The following STXBP6 variants were observed in gnomAD, a reference collection of about 807,000 sequenced individuals.
STXBP6 encodes the protein syntaxin binding protein 6.
In STXBP6, 21 loss-of-function variants were observed where a neutral mutation model predicts 26.9. The observed-to-expected ratio is 0.78, with a 90% CI of 0.55 to 1.12. STXBP6 has a LOEUF of 1.12. Among genes scored for constraint, STXBP6 ranks in the 50% most tolerant of loss-of-function variants. The pLI, the probability that STXBP6 is intolerant of heterozygous loss-of-function variation, is 0.00. For synonymous variants in STXBP6, 97 were observed against 92.6 expected (o/e 1.05, Z -0.27); for missense variants, 232 against 257.9 (o/e 0.90, Z 0.69).
At chr14:24,974,584 T>C (rs2073992806) in intron 2 of STXBP6, 81 bp downstream of exon 2, 1 of 1,311,438 alleles carries the variant, frequency 7.6e-7, no homozygotes, top group Admixed American at 2.5e-5. Flanking sequence ...AACCTGTGAA[T>C]GTAAACCTCC....
At chr14:24,868,590 G>A (rs2139308310) in intron 2 of STXBP6, among the ~76,000 whole-genome samples, 1 of 152,232 alleles carries the variant, frequency 6.6e-6, no homozygotes, top group South Asian at 2.1e-4. Context: ...TGCAGATTAT[G>A]GAGACCCTGG....
chr14:24,840,846 T>A (rs1212465224), intron 4 of STXBP6, among the ~76,000 whole-genome samples: 1 of 152,212 alleles, frequency 6.6e-6, no homozygotes, highest in East Asian at 1.9e-4. Context: ...ACTGCTTTTT[T>A]TTTTTTCCTG....
At chr14:24,896,598 A>C (rs1324840992) in intron 2 of STXBP6, among the ~76,000 whole-genome samples, 1 of 152,218 alleles carries the variant, frequency 6.6e-6, no homozygotes, top group East Asian at 1.9e-4. Context: ...TAGAGGATAC[A>C]CACATACAAG....
intron 2 of STXBP6, among the ~76,000 whole-genome samples, chr14:24,874,262 G>C (rs1009333965): frequency 6.6e-6 from 1 of 152,094 alleles, no homozygotes; most frequent in African/African-American, 2.4e-5. Context: ...TAAAGCTAGG[G>C]ACAAGGGAGA....
At chr14:24,868,284 A>T (rs1346776731) in intron 2 of STXBP6, among the ~76,000 whole-genome samples, 1 of 152,188 alleles carries the variant, frequency 6.6e-6, no homozygotes. Context: ...TAAATTAATA[A>T]GCAAAAGATT....
intron 2 of STXBP6, among the ~76,000 whole-genome samples, chr14:24,930,530 G>A (rs562076954): frequency 4.6e-5 from 7 of 152,122 alleles, no homozygotes; most frequent in East Asian, 1.9e-4. Flanking sequence ...TTATTATTCC[G>A]GTGATGACAC....
At chr14:24,882,126 T>A (rs1355309792) in intron 2 of STXBP6, among the ~76,000 whole-genome samples, 2 of 151,642 alleles carry the variant, frequency 1.3e-5, no homozygotes, top group African/African-American at 4.8e-5. Context: ...ACGCCTGTAA[T>A]CCCAGCACTT....
chr14:25,026,571 G>A (rs920956205), intron 1 of STXBP6, among the ~76,000 whole-genome samples: 5 of 152,162 alleles, frequency 3.3e-5, no homozygotes, highest in African/African-American at 9.7e-5. Flanking sequence ...GTTCAAGTCC[G>A]ATCTTACCAC....
chr14:24,951,748 C>A lies in STXBP6; in HGVS notation c.154+22917G>T, dbSNP rs1320773964. Among the ~76,000 whole-genome samples the A allele has an allele frequency of 2.6e-5, 4 of 152,064 alleles. No individual in the cohort carries two copies. The East Asian group carries it at 5.8e-4, about 22-fold the overall frequency. ...GTTACATAATTATATATTTATATTT[C>A]TTTTTGTACAATAGCCAAACTGTTC... On this transcript the variant is annotated intron_variant, in intron 2 of 5. Coordinates refer to ENST00000323944, the MANE Select transcript of STXBP6 (RefSeq NM_001394410.1).
At chr14:24,910,925 G>T (rs1244500570) in intron 2 of STXBP6, among the ~76,000 whole-genome samples, 8 of 152,114 alleles carry the variant, frequency 5.3e-5, no homozygotes, top group Non-Finnish European at 8.8e-5. Context: ...GAACGGTGGT[G>T]GTATGGTTTT....
chr14:24,828,705 C>A (rs1594919537), intron 4 of STXBP6, among the ~76,000 whole-genome samples: 1 of 152,126 alleles, frequency 6.6e-6, no homozygotes, highest in East Asian at 1.9e-4. Flanking sequence ...AATGTGTTCT[C>A]CTCTTTAGAA....
At chr14:24,937,629 T>C (rs1342282332) in intron 2 of STXBP6, among the ~76,000 whole-genome samples, 1 of 152,196 alleles carries the variant, frequency 6.6e-6, no homozygotes, top group African/African-American at 2.4e-5. Context: ...TATATATATA[T>C]GTCTTAGAAA....
intron 4 of STXBP6, among the ~76,000 whole-genome samples, chr14:24,847,634 A>C (rs955760129): frequency 6.6e-6 from 1 of 152,182 alleles, no homozygotes; most frequent in Admixed American, 6.5e-5. Context: ...ATGTTAAGTA[A>C]TTTTACCTCT....
intron 2 of STXBP6, among the ~76,000 whole-genome samples, chr14:24,930,561 A>G (rs947708032): frequency 2.6e-5 from 4 of 152,184 alleles, no homozygotes; most frequent in Non-Finnish European, 5.9e-5. Flanking sequence ...TGCCATCACA[A>G]TGAACTGATA....
rs533702124 is a variant in STXBP6 at position 24,931,396 on chromosome 14, A to C, written c.154+43269T>G. The stretch of plus-strand genomic sequence containing the variant: ...AACTTAAAGCATAAGAAAAAAAAGT[A>C]ATTAAAAGCAATATCTGGATGTGTA... On this transcript the variant is annotated intron_variant, in intron 2 of 5. Coordinates refer to ENST00000323944, the MANE Select transcript of STXBP6 (RefSeq NM_001394410.1). Among the ~76,000 whole-genome samples, 3 of 152,232 alleles carry C rather than the reference A, an allele frequency of 2.0e-5. No individual in the cohort carries two copies. The East Asian group carries it at 5.8e-4, about 29-fold the overall frequency.
chr14:24,971,462 T>C (rs74037408), intron 2 of STXBP6, among the ~76,000 whole-genome samples: 1,643 of 152,310 alleles, frequency 0.011, 20 homozygotes, highest in African/African-American at 0.036. Context: ...CAAACCACAA[T>C]AGTTGAAGGG....
At chr14:24,905,460 G>A (rs566266240) in intron 2 of STXBP6, among the ~76,000 whole-genome samples, 11 of 152,230 alleles carry the variant, frequency 7.2e-5, no homozygotes, top group East Asian at 1.9e-4. Context: ...GTCTTTCTGC[G>A]CACTCTTCAC....
At chr14:24,945,778 T>G (rs2072967413) in intron 2 of STXBP6, among the ~76,000 whole-genome samples, 1 of 152,204 alleles carries the variant, frequency 6.6e-6, no homozygotes, top group Non-Finnish European at 1.5e-5. Context: ...TTCTAAGGGC[T>G]TTATATATAG....
intron 2 of STXBP6, among the ~76,000 whole-genome samples, chr14:24,891,101 G>A (rs1213466026): frequency 6.6e-6 from 1 of 152,082 alleles, no homozygotes; most frequent in Non-Finnish European, 1.5e-5. Context: ...TTCTCCAGGA[G>A]TTTCCTAAGG....
Sources: gnomAD v4.1 joint callset for allele counts (sites outside exome capture counted in the v4.1 genomes callset) on GRCh38, gnomAD v4.1.1 for gene constraint, MANE v1.5 for transcripts, NCBI Gene and HGNC (gene_info 2026-07-23, HGNC 2026-07-21) for gene names.